Variants in WDR44 observed in about 807,000 individuals in gnomAD.
WDR44 encodes the protein WD repeat-containing protein 44.
In WDR44, 9 loss-of-function variants were observed where a neutral mutation model predicts 65.7. That is an observed-to-expected ratio of 0.14 (90% CI 0.08 to 0.24). The LOEUF is 0.24. Ranked by LOEUF, WDR44 falls within the 10% of genes least tolerant of loss-of-function variation. WDR44 has a pLI of 1.00. For missense variants in WDR44, 425 were observed against 670.9 expected, an observed-to-expected ratio of 0.63 and a Z score of 4.05; for synonymous variants, 220 against 235.2, an observed-to-expected ratio of 0.94 and a Z score of 0.59.
intron 19 of WDR44, among the ~76,000 whole-genome samples, chrX:118,446,851 C>CT (rs1247661476): frequency 3.6e-4 from 37 of 103,913 alleles, no homozygotes; most frequent in Middle Eastern, 5.0e-3. Flanking sequence ...TACGTTTTTT[C>CT]TTTTTTTTTT....
At chrX:118,425,744 G>A (rs767136369) in intron 12 of WDR44, among the ~76,000 whole-genome samples, 253 of 111,965 alleles carry the variant, frequency 2.3e-3, no homozygotes, top group African/African-American at 7.6e-3. Flanking sequence ...AATGTCAAAA[G>A]CCTTATAATT....
Position 118,444,410 on chromosome X carries a change from A to T in WDR44, c.2563A>T (p.Met855Leu). The T allele has an allele frequency of 8.3e-7, 1 of 1,210,898 alleles. No individual in the cohort carries two copies. Reference protein sequence around the residue: ...SAIFAPNPSLMLSLDVQSEKS... With the variant: ...SAIFAPNPSLLLSLDVQSEKS... ...CATCTTTGCACCAAACCCAAGTTTG[A>T]TGTTATCTTTGGATGTGCAATCTGA... is the stretch of plus-strand genomic sequence containing the variant. The change falls in exon 19 of 20, where the codon ATG becomes TTG. Residue 855 changes from methionine to leucine, a missense_variant. This residue lies in a region of WDR44 where 37 missense variants were observed against 40.9 expected (regional missense o/e 0.90). Coordinates refer to ENST00000254029, the MANE Select transcript of WDR44 (RefSeq NM_019045.5).
Position 118,392,688 on chromosome X carries a change from T to C in WDR44, c.243T>C (p.Ser81=). ...SQKVLQLEDD[S]LDSKGKELSD... is the part of the protein sequence containing the mutation. ...AAGTACTACAGCTTGAAGATGACTCTTTGGATTCCAAAGGAAAAGAACTCT... is the reference window on the plus strand; with the variant it reads ...AAGTACTACAGCTTGAAGATGACTCCTTGGATTCCAAAGGAAAAGAACTCT... Residue 81 remains serine, a synonymous_variant, in exon 4 of 20, where the codon TCT becomes TCC. Transcript: ENST00000254029. 9 of 1,210,681 alleles carry C rather than the reference T, an allele frequency of 7.4e-6. No individual in the cohort carries two copies. The highest frequency in any genetic ancestry group is 1.0e-5 in the Non-Finnish European group (9 of 894,794).
chrX:118,386,946 C>T (rs2056773399), intron 2 of WDR44, among the ~76,000 whole-genome samples: 1 of 110,561 alleles, frequency 9.0e-6, no homozygotes, highest in South Asian at 3.8e-4. Context: ...CTTTGGGAGG[C>T]TGAGGTGGGT....
In WDR44 at chrX:118,442,349, C is replaced by T. The variant is rs1011691289; in HGVS notation, c.2268+4C>T. On this transcript the variant is annotated splice_donor_region_variant and intron_variant, in intron 16 of 19. Coordinates refer to ENST00000254029, the MANE Select transcript of WDR44 (RefSeq NM_019045.5). ...GCCTTTACCTGGAGAAAATAAGGTA[C>T]TACAGTATTCAAAACCATCTCTCTC... 2 of 1,172,480 alleles carry T rather than the reference C, an allele frequency of 1.7e-6. No homozygotes were observed. The highest frequency in any genetic ancestry group is 3.5e-5 in the African/African-American group (2 of 56,619).
chrX:118,346,413 T>A lies in WDR44; in HGVS notation c.-91T>A. The A allele has an allele frequency of 2.5e-6, 2 of 810,433 alleles. No homozygotes were observed. The highest frequency in any genetic ancestry group is 3.7e-6 in the Non-Finnish European group (2 of 537,666). The allele number at this position is 810,433 out of a possible 1,213,427, so 66.8% of individuals were successfully genotyped here. A position where few individuals can be genotyped will look rare whatever the true frequency, so the allele number is the denominator to read the frequency against. ...CCTCGCCCGAGACCCACTTCCCCAG[T>A]CTCGCCCGGGTGGAGGTCGACGAGG... On this transcript the variant is annotated 5_prime_UTR_variant, in exon 1 of 20. Coordinates refer to ENST00000254029, the MANE Select transcript of WDR44 (RefSeq NM_019045.5).
At chrX:118,356,918 A>C (rs2056465550) in intron 1 of WDR44, among the ~76,000 whole-genome samples, 1 of 99,513 alleles carries the variant, frequency 1.0e-5, no homozygotes, top group African/African-American at 3.7e-5. Flanking sequence ...ATCTCGGCTT[A>C]CTGCAACCTC....
rs527547786 is a variant in WDR44 at position 118,422,565 on chromosome X, G to T, written c.1738-10216G>T. ...AAATTAGCTGGGCATGGTGGCATGT[G>T]CCTATAATCCCAGCTACTTGGGAGG... On this transcript the variant is annotated intron_variant, in intron 12 of 19. Coordinates refer to ENST00000254029, the MANE Select transcript of WDR44 (RefSeq NM_019045.5). Among the ~76,000 whole-genome samples, 22 of 110,515 alleles carry T rather than the reference G, an allele frequency of 2.0e-4. No homozygotes were observed. In the South Asian group the frequency reaches 8.6e-3, roughly 43 times the overall value.
At chrX:118,414,859 A>G (rs2057043208) in intron 12 of WDR44, among the ~76,000 whole-genome samples, 2 of 111,534 alleles carry the variant, frequency 1.8e-5, no homozygotes, top group Admixed American at 1.9e-4. Context: ...CCCCATTTGA[A>G]TGCCCTTTAT....
At chrX:118,444,615 G>A in intron 19 of WDR44, 121 bp downstream of exon 19, 1 of 886,963 alleles carries the variant, frequency 1.1e-6, no homozygotes, top group Middle Eastern at 4.4e-4. Context: ...TTTTTCTTAA[G>A]ACAGGGTCTT....
At chrX:118,432,493 G>T (rs2147743981) in intron 12 of WDR44, among the ~76,000 whole-genome samples, 1 of 111,858 alleles carries the variant, frequency 8.9e-6, no homozygotes, top group East Asian at 2.8e-4. Flanking sequence ...TCACTCGCTG[G>T]TACTGGCCGT....
At chrX:118,412,938 A>G (rs953404886) in intron 12 of WDR44, among the ~76,000 whole-genome samples, 2 of 111,904 alleles carry the variant, frequency 1.8e-5, no homozygotes, top group African/African-American at 6.5e-5. Context: ...CAGTGAGAAC[A>G]TACAATGTTT....
At chrX:118,347,952 C>G (rs1475488632) in intron 1 of WDR44, among the ~76,000 whole-genome samples, 1 of 111,064 alleles carries the variant, frequency 9.0e-6, no homozygotes, top group Admixed American at 9.6e-5. Context: ...ATTGGACTTC[C>G]GTGAAACTTA....
intron 6 of WDR44, 102 bp from the exon 7 acceptor site, chrX:118,396,868 C>A: frequency 1.1e-6 from 1 of 927,273 alleles, no homozygotes; most frequent in Non-Finnish European, 1.4e-6. Context: ...TTGAATATAT[C>A]TAAAAAGCCT....
At chrX:118,428,844 C>CAT (rs1376278916) in intron 12 of WDR44, among the ~76,000 whole-genome samples, 2 of 112,203 alleles carry the variant, frequency 1.8e-5, no homozygotes, top group Non-Finnish European at 3.8e-5. Flanking sequence ...AAATGTGGTA[C>CAT]ATATATACCA....
intron 12 of WDR44, among the ~76,000 whole-genome samples, chrX:118,431,333 C>T (rs1476948154): frequency 9.0e-6 from 1 of 111,243 alleles, no homozygotes; most frequent in East Asian, 2.8e-4. Flanking sequence ...GACAGAGTTT[C>T]GCTCTTGTGG....
At chrX:118,361,307 A>G (rs1318582037) in intron 1 of WDR44, among the ~76,000 whole-genome samples, 2 of 112,026 alleles carry the variant, frequency 1.8e-5, no homozygotes, top group Admixed American at 1.9e-4. Context: ...TTCGTTTTTA[A>G]ATAATCTTCG....
intron 12 of WDR44, among the ~76,000 whole-genome samples, chrX:118,421,295 A>T (rs1252539436): frequency 8.9e-6 from 1 of 112,243 alleles, no homozygotes; most frequent in African/African-American, 3.2e-5. Context: ...ATCCTCAGCT[A>T]CATCCATCTA....
intron 6 of WDR44, 120 bp from the exon 7 acceptor site, chrX:118,396,850 G>C (rs1602920492): frequency 1.5e-6 from 1 of 675,678 alleles, no homozygotes. Context: ...AAATTATTGT[G>C]TGCAGTATTG....
Sources: gnomAD v4.1 joint callset for allele counts (sites outside exome capture counted in the v4.1 genomes callset) on GRCh38, gnomAD v4.1.1 for gene constraint, gnomAD v4.1.1 regional missense constraint, MANE v1.5 for transcripts, NCBI Gene and HGNC (gene_info 2026-07-23, HGNC 2026-07-21) for gene names.